RXRA: variants seen among roughly 807,000 people sequenced by gnomAD.
RXRA encodes retinoic acid receptor RXR-alpha.
Under a neutral mutation model 44.5 loss-of-function variants are expected in RXRA, and 5 were observed. The ratio of observed to expected loss-of-function variants is 0.11; its 90% CI spans 0.06 to 0.24. The LOEUF is 0.24. RXRA is among the 10% of genes least tolerant of loss of function. RXRA has a pLI of 1.00. For synonymous variants in RXRA, 291 were observed against 271.4 expected, an observed-to-expected ratio of 1.07 and a Z score of -0.71; for missense variants, 412 against 646.5, an observed-to-expected ratio of 0.64 and a Z score of 3.93.
At chr9:134,425,139 T>TG in intron 6 of RXRA, 1 of 985,054 alleles carries the variant, frequency 1.0e-6, no homozygotes, top group East Asian at 1.1e-4. Flanking sequence ...TGACACTGAG[T>TG]GGGGGTGCAG....
rs1486857922 is a variant in RXRA at position 134,418,634 on chromosome 9, G to A, written c.780+1307G>A. Reference sequence around the variant, plus strand: ...CTTTGGTCTCAGCTGAGGTACCTCCGGCCTTCATCTGTGCCCCTGCCAGGG... The same window carrying A: ...CTTTGGTCTCAGCTGAGGTACCTCCAGCCTTCATCTGTGCCCCTGCCAGGG... On this transcript the variant is annotated intron_variant, in intron 5 of 9. Transcript: ENST00000481739. 3.3e-5 allele frequency among the ~76,000 whole-genome samples: 5 copies of A among 152,146 alleles called. 1 individual carries two copies. The highest frequency in any genetic ancestry group is 4.2e-4 in the South Asian group (2 of 4,818).
chr9:134,391,901 A>G (rs1050432820), intron 1 of RXRA, among the ~76,000 whole-genome samples: 32 of 152,182 alleles, frequency 2.1e-4, no homozygotes, highest in African/African-American at 7.5e-4. Flanking sequence ...GGACGGGGGC[A>G]GGAGGAGCGG....
intron 7 of RXRA, among the ~76,000 whole-genome samples, chr9:134,430,393 G>A (rs182872375): frequency 3.0e-4 from 46 of 152,354 alleles, no homozygotes; most frequent in African/African-American, 1.1e-3. Flanking sequence ...GAGCCCCAAC[G>A]TTAGAGGTGA....
chr9:134,327,035 C>A (rs1362168194), intron 1 of RXRA, among the ~76,000 whole-genome samples: 2 of 151,930 alleles, frequency 1.3e-5, no homozygotes, highest in East Asian at 3.9e-4. Flanking sequence ...CGGCTCCGGC[C>A]TCCCTGGCCT....
At chr9:134,347,727 C>T (rs544749498) in intron 1 of RXRA, among the ~76,000 whole-genome samples, 11 of 152,192 alleles carry the variant, frequency 7.2e-5, no homozygotes, top group Non-Finnish European at 1.0e-4. Flanking sequence ...GCCAGGGGAA[C>T]GGTGTGTGCA....
intron 1 of RXRA, chr9:134,380,170 G>A: frequency 2.0e-6 from 2 of 985,464 alleles, no homozygotes; most frequent in Non-Finnish European, 2.4e-6. Context: ...GCAGGTGCGT[G>A]TGTTGGGGGT....
chr9:134,390,663 C>T (rs992677959), intron 1 of RXRA, among the ~76,000 whole-genome samples: 4 of 152,176 alleles, frequency 2.6e-5, no homozygotes, highest in African/African-American at 7.2e-5. Flanking sequence ...CGTTGAGCTC[C>T]GCCGCAGCCC....
intron 1 of RXRA, among the ~76,000 whole-genome samples, chr9:134,385,319 C>T (rs73554175): frequency 0.064 from 9,697 of 152,286 alleles, 1,004 homozygotes; most frequent in African/African-American, 0.22. Context: ...AGAAAGCCCT[C>T]GTTGTGTGGC....
At chr9:134,419,350 C>T (rs1429550506) in intron 5 of RXRA, among the ~76,000 whole-genome samples, 1 of 152,218 alleles carries the variant, frequency 6.6e-6, no homozygotes, top group African/African-American at 2.4e-5. Context: ...CCGCCACTGC[C>T]TGAAAGTTCA....
chr9:134,398,699 G>C (rs770371752), intron 1 of RXRA, among the ~76,000 whole-genome samples: 13 of 152,248 alleles, frequency 8.5e-5, no homozygotes, highest in Non-Finnish European at 1.8e-4. Context: ...ATCTGGAGCA[G>C]GGGGTGGGTG....
At chr9:134,424,494 C>G in intron 6 of RXRA, 1 of 985,468 alleles carries the variant, frequency 1.0e-6, no homozygotes, top group African/African-American at 1.7e-5. Flanking sequence ...ATGGTGAGGT[C>G]TGAAGCTGCA....
At chr9:134,373,260 T>C (rs1326336209) in intron 1 of RXRA, among the ~76,000 whole-genome samples, 5 of 151,994 alleles carry the variant, frequency 3.3e-5, no homozygotes, top group Admixed American at 1.3e-4. Flanking sequence ...GTTCTTGGGC[T>C]AGGAATGGCA....
intron 4 of RXRA, among the ~76,000 whole-genome samples, chr9:134,416,514 G>A (rs931575527): frequency 1.3e-5 from 2 of 152,172 alleles, no homozygotes; most frequent in East Asian, 1.9e-4. Context: ...TGGGTGGGCC[G>A]TCTCTGTGTG....
chr9:134,342,315 C>T lies in RXRA; in HGVS notation c.28+15656C>T, dbSNP rs1830095415. On this transcript the variant is annotated intron_variant, in intron 1 of 9. Transcript: ENST00000481739. This position sits in a 1 kb window ranked among gnomAD's most constrained non-coding sequence, Gnocchi z 4.4. ...AGCTTGTGCCAAGCCCATTGCCCTC[C>T]CAGAACCCTGGGGGAGGGAGTTGCC... Among the ~76,000 whole-genome samples, 1 of 152,044 alleles carries T rather than the reference C, an allele frequency of 6.6e-6. No homozygotes were observed. The highest frequency in any genetic ancestry group is 2.1e-4 in the South Asian group (1 of 4,826).
intron 1 of RXRA, among the ~76,000 whole-genome samples, chr9:134,392,731 A>G (rs1227359162): frequency 6.6e-6 from 1 of 151,998 alleles, no homozygotes; most frequent in Admixed American, 6.5e-5. Context: ...GCTCTCCTAA[A>G]AGGGCCAGCC....
intron 1 of RXRA, among the ~76,000 whole-genome samples, chr9:134,399,292 C>T (rs1251933199): frequency 6.6e-6 from 1 of 152,204 alleles, no homozygotes; most frequent in Non-Finnish European, 1.5e-5. Flanking sequence ...TGGGAGTGTG[C>T]CTTTGGGGCA....
intron 8 of RXRA, among the ~76,000 whole-genome samples, chr9:134,432,295 G>A (rs1377601786): frequency 2.0e-5 from 3 of 152,248 alleles, no homozygotes; most frequent in African/African-American, 4.8e-5. Context: ...ACTGTGCGTC[G>A]GAATCCAGAC....
At chr9:134,392,475 G>T (rs1261568901) in intron 1 of RXRA, among the ~76,000 whole-genome samples, 2 of 152,210 alleles carry the variant, frequency 1.3e-5, no homozygotes, top group East Asian at 3.8e-4. Flanking sequence ...CCCATGGCAG[G>T]AGCTCCTTTT....
rs1306245171 is a variant in RXRA, at chr9:134,436,595, C to T, written c.1370C>T (p.Ala457Val). 16 of 1,613,914 alleles carry T rather than the reference C, an allele frequency of 9.9e-6. No individual in the cohort carries two copies. The highest frequency in any genetic ancestry group is 2.2e-5 in the East Asian group (1 of 44,904). ...IDTFLMEMLE[A>V]PHQMT Reference sequence around the variant, plus strand: ...ACCTTCCTTATGGAGATGCTGGAGGCGCCGCACCAAATGACTTAGGCCTGC... The same window carrying T: ...ACCTTCCTTATGGAGATGCTGGAGGTGCCGCACCAAATGACTTAGGCCTGC... The change falls in exon 10 of 10, where the codon GCG (alanine) becomes GTG (valine). Residue 457 changes from alanine (A) to valine (V), a missense_variant. Physicochemically the swap from Ala to Val is moderately conservative, Grantham distance 64 (BLOSUM62 0). Transcript: ENST00000481739.
Sources: allele counts gnomAD v4.1 joint callset (sites outside exome capture counted in the v4.1 genomes callset), GRCh38; gene constraint gnomAD v4.1.1; non-coding constraint Gnocchi (gnomAD v3.1); transcripts MANE v1.5; gene names NCBI Gene and HGNC (gene_info 2026-07-23, HGNC 2026-07-21).